MYO1E: variants seen among roughly 807,000 people sequenced by gnomAD.
The protein encoded by MYO1E is myosin IE.
A neutral mutation model predicts 151.1 loss-of-function variants in MYO1E; 68 were observed. The ratio of observed to expected loss-of-function variants is 0.45; its 90% CI spans 0.37 to 0.55. The LOEUF (loss-of-function observed/expected upper bound fraction) is 0.55. Ranked by LOEUF, MYO1E falls within the 20% of genes least tolerant of loss-of-function variation. The probability of loss-of-function intolerance (pLI) is 0.00; values close to 1 mark genes in which losing one functional copy is unlikely to be tolerated. For synonymous variants in MYO1E, 601 were observed against 501.7 expected, an observed-to-expected ratio of 1.20 and a Z score of -2.64; for missense variants, 1,363 against 1,389.3, an observed-to-expected ratio of 0.98 and a Z score of 0.30.
At chr15:59,164,272 C>A (rs1233048207) in intron 22 of MYO1E, among the ~76,000 whole-genome samples, 1 of 152,182 alleles carries the variant, frequency 6.6e-6, no homozygotes, top group Non-Finnish European at 1.5e-5. Flanking sequence ...TATAAGTTTA[C>A]GAGTATCTCC....
intron 22 of MYO1E, among the ~76,000 whole-genome samples, chr15:59,168,116 C>T (rs558535342): frequency 1.3e-5 from 2 of 152,164 alleles, no homozygotes; most frequent in East Asian, 3.9e-4. Flanking sequence ...TAAATGAAAA[C>T]TTCAAAAAAA....
intron 4 of MYO1E, among the ~76,000 whole-genome samples, chr15:59,249,776 T>C (rs1245891703): frequency 6.6e-6 from 1 of 152,204 alleles, no homozygotes; most frequent in Non-Finnish European, 1.5e-5. Context: ...AAATGGTTTT[T>C]TCGTTTGTTT....
At chr15:59,298,402 G>A (rs1214716009) in intron 1 of MYO1E, among the ~76,000 whole-genome samples, 10 of 152,134 alleles carry the variant, frequency 6.6e-5, no homozygotes, top group African/African-American at 1.7e-4. Context: ...GTGATACTGC[G>A]TTCTACCTCC....
chr15:59,359,373 C>G (rs368318660), intron 1 of MYO1E, among the ~76,000 whole-genome samples: 103 of 149,652 alleles, frequency 6.9e-4, no homozygotes, highest in African/African-American at 2.5e-3. Flanking sequence ...CCTGTAGTCC[C>G]AGATACTCAA....
At position 59,207,593 on chromosome 15, in the gene MYO1E, G is replaced by A. The variant is rs774239896; in HGVS notation, c.1530+1088C>T. ...AGCGGCTGTAATCTGGATACTGCTC[G>A]TTTTCGTTTCTTGATTGGACAAAAG... On this transcript the variant is annotated intron_variant, in intron 14 of 27. Coordinates refer to ENST00000288235, the MANE Select transcript of MYO1E (RefSeq NM_004998.4). The A allele has an allele frequency of 2.8e-5, 45 of 1,613,956 alleles. No homozygotes were observed. The highest frequency in any genetic ancestry group is 3.6e-5 in the Non-Finnish European group (42 of 1,180,004).
intron 26 of MYO1E, among the ~76,000 whole-genome samples, chr15:59,145,000 T>TGC (rs1383416392): frequency 2.0e-5 from 3 of 152,000 alleles, no homozygotes; most frequent in African/African-American, 7.3e-5. Flanking sequence ...TGCACCACCA[T>TGC]GCCCGGCTAA....
chr15:59,243,115 T>TTTTC (rs1555413924), intron 4 of MYO1E, among the ~76,000 whole-genome samples: 38 of 151,118 alleles, frequency 2.5e-4, no homozygotes, highest in Admixed American at 9.2e-4. Context: ...TTTTTTTTTT[T>TTTTC]CAAATATAGA....
At chr15:59,151,756 T>TA (rs1441528724) in intron 26 of MYO1E, among the ~76,000 whole-genome samples, 5 of 150,650 alleles carry the variant, frequency 3.3e-5, no homozygotes, top group African/African-American at 9.8e-5. Flanking sequence ...CTACTAAAAG[T>TA]AAAAAAATTA....
chr15:59,236,764 AC>A, intron 4 of MYO1E, 92 bp from the exon 5 acceptor site: 1 of 1,190,110 alleles, frequency 8.4e-7, no homozygotes, highest in East Asian at 2.3e-5. Flanking sequence ...AAACAAACAA[AC>A]AAAAAAACAA....
At chr15:59,165,806 T>G (rs560989113) in intron 22 of MYO1E, among the ~76,000 whole-genome samples, 1 of 152,246 alleles carries the variant, frequency 6.6e-6, no homozygotes, top group East Asian at 1.9e-4. Context: ...TTAGGTAGAG[T>G]GCATGCAAAA....
intron 1 of MYO1E, among the ~76,000 whole-genome samples, chr15:59,365,416 C>T (rs1489676464): frequency 6.6e-6 from 1 of 152,158 alleles, no homozygotes; most frequent in African/African-American, 2.4e-5. Context: ...TATCTGGTCA[C>T]GTCCAGACTC....
At chr15:59,334,265 C>T (rs1244531698) in intron 1 of MYO1E, among the ~76,000 whole-genome samples, 1 of 151,952 alleles carries the variant, frequency 6.6e-6, no homozygotes, top group Non-Finnish European at 1.5e-5. Flanking sequence ...GCCTGGGTAA[C>T]CAAATGAGAC....
intron 22 of MYO1E, 71 bp from the exon 23 acceptor site, chr15:59,163,374 T>C: frequency 6.7e-7 from 1 of 1,499,800 alleles, no homozygotes; most frequent in South Asian, 1.2e-5. Context: ...TTTTTTTTCT[T>C]CCATTTTAAA....
chr15:59,234,230 A>ATGGT (rs1344357027), intron 5 of MYO1E, among the ~76,000 whole-genome samples: 2 of 99,910 alleles, frequency 2.0e-5, no homozygotes, highest in African/African-American at 6.0e-5. Context: ...GGATGGATGG[A>ATGGT]TGGATGGATG....
At chr15:59,155,516 T>C (rs1753479723) in intron 25 of MYO1E, among the ~76,000 whole-genome samples, 1 of 152,204 alleles carries the variant, frequency 6.6e-6, no homozygotes, top group East Asian at 1.9e-4. Context: ...GAACTGTCAT[T>C]TAGAGAGTTG....
At chr15:59,237,618 C>T (rs1246540811) in intron 4 of MYO1E, among the ~76,000 whole-genome samples, 1 of 149,904 alleles carries the variant, frequency 6.7e-6, no homozygotes, top group Non-Finnish European at 1.5e-5. Flanking sequence ...CAGACTGCTA[C>T]AAGTTCATAG....
At chr15:59,366,682 G>C (rs1259527014) in intron 1 of MYO1E, among the ~76,000 whole-genome samples, 20 of 152,024 alleles carry the variant, frequency 1.3e-4, no homozygotes, top group Non-Finnish European at 2.9e-5. Flanking sequence ...TTTTACAGTT[G>C]TACTTCTCTT....
In MYO1E at chr15:59,136,750, GCCCAGCC is replaced by G. The variant is rs545697462; in HGVS notation, c.*623_*629del. ...AGACCCAGAGAAAGCAAAGCCAGCA[GCCCAGCC>G]CCCAGCCCCCAGCCCCTGACCTGCT... On this transcript the variant is annotated 3_prime_UTR_variant, in exon 28 of 28. Coordinates refer to ENST00000288235, the MANE Select transcript of MYO1E (RefSeq NM_004998.4). 1.9e-4 allele frequency: 87 copies of G among 456,142 alleles called. No individual in the cohort carries two copies. The highest frequency in any genetic ancestry group is 1.0e-3 in the South Asian group (66 of 64,552). 28.3% of individuals were successfully genotyped at this position (456,142 alleles called of 1,614,324 possible). A position where few individuals can be genotyped will look rare whatever the true frequency, so the allele number is the denominator to read the frequency against.
intron 5 of MYO1E, among the ~76,000 whole-genome samples, chr15:59,233,586 C>T (rs192155872): frequency 6.9e-6 from 1 of 145,864 alleles, no homozygotes; most frequent in Non-Finnish European, 1.5e-5. Flanking sequence ...ATCGCTTGAA[C>T]CCAGAAGACA....
Sources: allele counts gnomAD v4.1 joint callset (sites outside exome capture counted in the v4.1 genomes callset), GRCh38; gene constraint gnomAD v4.1.1; transcripts MANE v1.5; gene names NCBI Gene and HGNC (gene_info 2026-07-23, HGNC 2026-07-21).